Variants in PDE8B observed in about 807,000 individuals in gnomAD.
PDE8B encodes the protein high affinity cAMP-specific and IBMX-insensitive 3',5'-cyclic phosphodiesterase 8B.
PDE8B carries 26 observed loss-of-function variants against 101.3 expected under a neutral mutation model. The observed-to-expected ratio is 0.26, with a 90% CI of 0.19 to 0.36. PDE8B has a LOEUF of 0.36. PDE8B is among the 10% of genes least tolerant of loss of function. The pLI is 1.00. For missense variants in PDE8B, 810 were observed against 1,163.1 expected (o/e 0.70, Z 4.42); for synonymous variants, 424 against 429.3 (o/e 0.99, Z 0.15).
intron 2 of PDE8B, among the ~76,000 whole-genome samples, chr5:77,324,278 C>G (rs148079416): frequency 0.012 from 1,796 of 152,148 alleles, 19 homozygotes; most frequent in Middle Eastern, 0.044. Flanking sequence ...CTCAGAAGAC[C>G]CCACAGGTAG....
At chr5:77,089,449 T>A in the PDE8B span, 1 of 152,304 alleles carries the variant, frequency 6.6e-6, no homozygotes, top group Admixed American at 6.5e-5. Flanking sequence ...GTAATAATAA[T>A]AGAAATAAAG....
chr5:77,218,984 G>T (rs1480823264), intron 1 of PDE8B, among the ~76,000 whole-genome samples: 1 of 152,198 alleles, frequency 6.6e-6, no homozygotes, highest in Non-Finnish European at 1.5e-5. Context: ...GCAAACTGCT[G>T]CCACAGACAT....
chr5:77,349,647 C>T, intron 8 of PDE8B, 88 bp downstream of exon 8: 1 of 1,407,770 alleles, frequency 7.1e-7, no homozygotes, highest in East Asian at 2.3e-5. Flanking sequence ...TTAAGATTAG[C>T]TTTTTTAATA....
chr5:77,214,221 G>A (rs1258998953), intron 1 of PDE8B, among the ~76,000 whole-genome samples: 2 of 152,218 alleles, frequency 1.3e-5, no homozygotes, highest in Non-Finnish European at 2.9e-5. Context: ...CATACCAGCT[G>A]TTCCTACTTG....
intron 19 of PDE8B, among the ~76,000 whole-genome samples, chr5:77,421,201 C>A (rs535716226): frequency 6.6e-6 from 1 of 152,280 alleles, no homozygotes; most frequent in East Asian, 1.9e-4. Flanking sequence ...AAGGACCCCA[C>A]GCCTACCTGG....
the PDE8B span, among the ~76,000 whole-genome samples, chr5:77,194,126 T>G: frequency 6.6e-6 from 1 of 152,206 alleles, no homozygotes; most frequent in Admixed American, 6.5e-5. Context: ...TTTTACTTCT[T>G]TTTCTTGCTT....
intron 10 of PDE8B, among the ~76,000 whole-genome samples, chr5:77,391,364 T>G (rs1198933117): frequency 6.6e-6 from 1 of 152,204 alleles, no homozygotes; most frequent in Admixed American, 6.5e-5. Context: ...ATAGGGTTCC[T>G]GACGGCAGAT....
the PDE8B span, among the ~76,000 whole-genome samples, chr5:77,093,408 T>A: frequency 2.1e-3 from 319 of 152,324 alleles, no homozygotes; most frequent in African/African-American, 7.5e-3. Context: ...TACTTTTTTT[T>A]ATTTCTATAA....
Position 77,423,632 on chromosome 5 carries a change from G to GTTTTTTTTTTTTT in PDE8B, c.2418+1659_2418+1671dup, listed in dbSNP as rs71594634. 5.6e-3 allele frequency among the ~76,000 whole-genome samples: 414 copies of GTTTTTTTTTTTTT among 73,996 alleles called. 63 individuals carry two copies. Among genetic ancestry groups the GTTTTTTTTTTTTT allele is most frequent in the Non-Finnish European group, 7.9e-3 (302 of 38,378 alleles). The allele number at this position is 73,996 out of a possible 152,430, so 48.5% of individuals were successfully genotyped here. On this transcript the variant is annotated intron_variant, in intron 20 of 21. Coordinates refer to ENST00000264917, the MANE Select transcript of PDE8B (RefSeq NM_003719.5). ...TGATGCTGGACTTTTGTTTTGTTTA[G>GTTTTTTTTTTTTT]TTTTTTTTTTTTTTTTTTTTTTTTT... is the stretch of plus-strand genomic sequence containing the variant.
At chr5:77,322,757 G>A (rs550351975) in intron 2 of PDE8B, among the ~76,000 whole-genome samples, 5 of 152,314 alleles carry the variant, frequency 3.3e-5, no homozygotes, top group African/African-American at 1.2e-4. Flanking sequence ...GTTTCACATA[G>A]CACCTGTCAT....
At chr5:77,393,716 G>T (rs1350549543) in intron 10 of PDE8B, among the ~76,000 whole-genome samples, 1 of 152,148 alleles carries the variant, frequency 6.6e-6, no homozygotes, top group Non-Finnish European at 1.5e-5. Context: ...AAAGCCTTGA[G>T]ACTAAGGATT....
At chr5:77,424,036 G>C (rs1581639694) in intron 20 of PDE8B, among the ~76,000 whole-genome samples, 1 of 152,086 alleles carries the variant, frequency 6.6e-6, no homozygotes, top group South Asian at 2.1e-4. Context: ...TTTCTGGGAA[G>C]AGAGCCTCTG....
chr5:77,321,277 G>A (rs1775015995), intron 2 of PDE8B, among the ~76,000 whole-genome samples: 1 of 150,560 alleles, frequency 6.6e-6, no homozygotes, highest in Non-Finnish European at 1.5e-5. Flanking sequence ...TCAGCCTCCT[G>A]AGTAGCTGGG....
At chr5:77,242,580 A>G (rs935318075) in intron 1 of PDE8B, among the ~76,000 whole-genome samples, 7 of 152,202 alleles carry the variant, frequency 4.6e-5, no homozygotes, top group African/African-American at 1.2e-4. Context: ...TTATGGCTAA[A>G]ATTTATTAGT....
chr5:77,412,355 C>A, intron 16 of PDE8B, 120 bp downstream of exon 16: 1 of 967,088 alleles, frequency 1.0e-6, no homozygotes, highest in Non-Finnish European at 1.6e-6. Flanking sequence ...TTCTGGCTCT[C>A]ATGCCATGTT....
chr5:77,306,806 C>T (rs1359002830), intron 1 of PDE8B, among the ~76,000 whole-genome samples: 3 of 152,224 alleles, frequency 2.0e-5, no homozygotes, highest in Non-Finnish European at 4.4e-5. Flanking sequence ...CTTCCATCTG[C>T]CTACCCTGCA....
At chr5:77,190,899 A>G in the PDE8B span, among the ~76,000 whole-genome samples, 2 of 152,234 alleles carry the variant, frequency 1.3e-5, no homozygotes, top group Non-Finnish European at 2.9e-5. Flanking sequence ...GTGGTCCAGT[A>G]TATCAGTCGG....
rs13179037 is a variant in PDE8B, at chr5:77,395,262, A to G, written c.1168-4986A>G. Among the ~76,000 whole-genome samples the G allele has an allele frequency of 3.6e-3, 505 of 141,496 alleles. 3 individuals are homozygous for G. Among genetic ancestry groups the G allele is most frequent in the African/African-American group, 0.011 (395 of 37,470 alleles). The allele number at this position is 141,496 out of a possible 152,430, so 92.8% of individuals were successfully genotyped here. On this transcript the variant is annotated intron_variant, in intron 10 of 21. Transcript: ENST00000264917. ...CTCCCAAGTAGCTGGGACTACAGGC[A>G]CCCGCCACCACACCCGGCTACTTTT...
At chr5:77,324,237 A>G (rs1359706405) in intron 2 of PDE8B, among the ~76,000 whole-genome samples, 2 of 152,168 alleles carry the variant, frequency 1.3e-5, no homozygotes, top group Non-Finnish European at 2.9e-5. Flanking sequence ...GTGGTTTTAC[A>G]TGTTATTCAT....
Sources: gnomAD v4.1 joint callset for allele counts (sites outside exome capture counted in the v4.1 genomes callset) on GRCh38, gnomAD v4.1.1 for gene constraint, MANE v1.5 for transcripts, NCBI Gene and HGNC (gene_info 2026-07-23, HGNC 2026-07-21) for gene names.